Variants in SMIM36 observed in about 807,000 individuals in gnomAD.
The protein encoded by SMIM36 is small integral membrane protein 36.
the SMIM36 span, among the ~76,000 whole-genome samples, chr17:55,520,542 T>G: frequency 6.6e-6 from 1 of 152,112 alleles, no homozygotes; most frequent in African/African-American, 2.4e-5. Flanking sequence ...ACAGTTAGTC[T>G]GAAAACTGAG....
chr17:55,469,704 G>A (rs1909307189), intron 3 of SMIM36, among the ~76,000 whole-genome samples: 1 of 152,238 alleles, frequency 6.6e-6, no homozygotes, highest in Non-Finnish European at 1.5e-5. Flanking sequence ...CAAAGGCCAA[G>A]TGCAGTGGCT....
In SMIM36 at chr17:55,491,628, G is replaced by A. The variant is rs540162327; in HGVS notation, c.*175-12048C>T. Among the ~76,000 whole-genome samples, 6 of 152,184 alleles carry A rather than the reference G, an allele frequency of 3.9e-5. No individual in the cohort carries two copies. In the South Asian group the frequency reaches 6.2e-4, roughly 16 times the overall value. ...AAATATAAGCATACATTGCTGGTTG[G>A]GCCTCTCAGCTAACTAAATGGGCTT... On this transcript the variant is annotated intron_variant, in intron 1 of 4. Transcript: ENST00000636752.
intron 4 of SMIM36, among the ~76,000 whole-genome samples, chr17:55,466,881 T>C (rs1909247676): frequency 6.6e-6 from 1 of 152,220 alleles, no homozygotes; most frequent in Admixed American, 6.5e-5. Context: ...TTGCTCCGTG[T>C]AAGTGCTTTT....
intron 1 of SMIM36, among the ~76,000 whole-genome samples, chr17:55,508,928 CA>C (rs35834283): frequency 0.053 from 5,194 of 97,144 alleles, 57 homozygotes; most frequent in African/African-American, 0.078. Flanking sequence ...TGTCTCAGAA[CA>C]AAAAAAAAAA....
the SMIM36 span, among the ~76,000 whole-genome samples, chr17:55,532,035 A>T: frequency 2.6e-5 from 4 of 152,308 alleles, no homozygotes; most frequent in African/African-American, 9.6e-5. Context: ...TTGAAATAAG[A>T]TATTGCTATC....
intron 1 of SMIM36, among the ~76,000 whole-genome samples, chr17:55,499,693 A>C (rs1473944246): frequency 1.3e-5 from 2 of 152,176 alleles, no homozygotes. Context: ...AAGAGTAATG[A>C]ATTAAAACAT....
intron 3 of SMIM36, among the ~76,000 whole-genome samples, chr17:55,475,341 T>A (rs1167637610): frequency 6.6e-6 from 1 of 152,190 alleles, no homozygotes; most frequent in African/African-American, 2.4e-5. Context: ...CCTCCAATGC[T>A]TTCACCCTGA....
At chr17:55,463,619 CTGAGAA>C (rs781118020) in intron 4 of SMIM36, among the ~76,000 whole-genome samples, 9 of 151,984 alleles carry the variant, frequency 5.9e-5, no homozygotes, top group African/African-American at 9.7e-5. Flanking sequence ...TTATACTGTA[CTGAGAA>C]TAAGAGGGGA....
At chr17:55,529,448 T>C in the SMIM36 span, among the ~76,000 whole-genome samples, 1 of 151,818 alleles carries the variant, frequency 6.6e-6, no homozygotes, top group Non-Finnish European at 1.5e-5. Context: ...CATGGTGAAA[T>C]GCCCTCTATA....
chr17:55,510,882 A>C (rs1265193676), exon 1 of SMIM36: 1 of 382,318 alleles, frequency 2.6e-6, no homozygotes, highest in Non-Finnish European at 4.6e-6. Context: ...TTCTTACCTT[A>C]AACAGTTACT....
intron 3 of SMIM36, among the ~76,000 whole-genome samples, chr17:55,475,956 G>A (rs1253445696): frequency 2.0e-5 from 3 of 151,850 alleles, no homozygotes; most frequent in South Asian, 2.1e-4. Context: ...CCCTAATCCC[G>A]CTCGAAGCAG....
intron 3 of SMIM36, among the ~76,000 whole-genome samples, chr17:55,470,109 G>A (rs1319201588): frequency 6.6e-6 from 1 of 152,186 alleles, no homozygotes; most frequent in Non-Finnish European, 1.5e-5. Context: ...ACCAAGGAAT[G>A]CCAGCAGCCC....
chr17:55,494,695 T>C (rs1555622009), intron 1 of SMIM36, among the ~76,000 whole-genome samples: 1 of 151,484 alleles, frequency 6.6e-6, no homozygotes, highest in Non-Finnish European at 1.5e-5. Context: ...CACACACACA[T>C]ACACACTCAC....
At chr17:55,505,263 G>C (rs1910061986) in intron 1 of SMIM36, among the ~76,000 whole-genome samples, 1 of 93,268 alleles carries the variant, frequency 1.1e-5, no homozygotes, top group Non-Finnish European at 2.1e-5. Flanking sequence ...GCTGGGCAGA[G>C]ACACAACAAA....
chr17:55,483,178 G>A (rs1022133746), intron 1 of SMIM36, among the ~76,000 whole-genome samples: 12 of 152,178 alleles, frequency 7.9e-5, no homozygotes, highest in African/African-American at 2.7e-4. Context: ...TCTGTCTAGC[G>A]TGAAAACCAG....
At chr17:55,487,208 G>C (rs914125106) in intron 1 of SMIM36, among the ~76,000 whole-genome samples, 3 of 152,036 alleles carry the variant, frequency 2.0e-5, no homozygotes, top group South Asian at 4.1e-4. Flanking sequence ...GTCATGGGGT[G>C]GGGGGTAGGG....
intron 1 of SMIM36, among the ~76,000 whole-genome samples, chr17:55,494,862 C>T (rs1014949902): frequency 3.9e-5 from 6 of 152,102 alleles, no homozygotes; most frequent in Admixed American, 2.0e-4. Flanking sequence ...CAGGAATGCA[C>T]GATAAAAGGC....
intron 1 of SMIM36, among the ~76,000 whole-genome samples, chr17:55,500,973 T>A (rs796175870): frequency 7.7e-5 from 1 of 12,926 alleles, no homozygotes; most frequent in African/African-American, 7.3e-4. Flanking sequence ...ATAATATATA[T>A]TATAATATAT....
intron 1 of SMIM36, among the ~76,000 whole-genome samples, chr17:55,492,312 G>T (rs532057187): frequency 5.0e-4 from 63 of 126,902 alleles, no homozygotes; most frequent in Non-Finnish European, 8.4e-4. Flanking sequence ...GCGCGACCTT[G>T]GCTCACTGCA....
Sources: allele counts gnomAD v4.1 joint callset (sites outside exome capture counted in the v4.1 genomes callset), GRCh38; gene constraint gnomAD v4.1.1; transcripts MANE v1.5; gene names NCBI Gene and HGNC (gene_info 2026-07-23, HGNC 2026-07-21).